The following HS3ST5 variants were observed in gnomAD, a reference collection of about 807,000 sequenced individuals.
The protein encoded by HS3ST5 is heparan sulfate glucosamine 3-O-sulfotransferase 5.
Under a neutral mutation model 25.4 loss-of-function variants are expected in HS3ST5, and 10 were observed. The ratio of observed to expected loss-of-function variants is 0.39; its 90% CI spans 0.24 to 0.67. The LOEUF (loss-of-function observed/expected upper bound fraction) is 0.67. HS3ST5 is among the 30% of genes least tolerant of loss of function. The pLI, the probability that HS3ST5 is intolerant of heterozygous loss-of-function variation, is 0.44. For missense variants in HS3ST5, 324 were observed against 420.7 expected (o/e 0.77, Z 2.01); for synonymous variants, 170 against 162.4 (o/e 1.05, Z -0.36).
intron 2 of HS3ST5, among the ~76,000 whole-genome samples, chr6:114,208,415 CCAGA>C (rs1456624689): frequency 2.0e-5 from 3 of 152,146 alleles, no homozygotes; most frequent in South Asian, 2.1e-4. Context: ...GGTCATTCAC[CCAGA>C]CAATTATTGT....
At chr6:114,208,692 G>A (rs1242743362) in intron 2 of HS3ST5, among the ~76,000 whole-genome samples, 2 of 152,106 alleles carry the variant, frequency 1.3e-5, no homozygotes, top group African/African-American at 4.8e-5. Flanking sequence ...TTGCATTGTA[G>A]GAAAGAAACA....
chr6:114,283,259 G>C (rs1195908901), intron 1 of HS3ST5, among the ~76,000 whole-genome samples: 2 of 151,198 alleles, frequency 1.3e-5, no homozygotes, highest in African/African-American at 4.9e-5. Context: ...AATTTTTTAG[G>C]TTTTGAGCTG....
chr6:114,063,968 C>T (rs766259592), intron 3 of HS3ST5, among the ~76,000 whole-genome samples: 20 of 152,290 alleles, frequency 1.3e-4, no homozygotes, highest in Non-Finnish European at 2.4e-4. Context: ...TGAAATAAGG[C>T]CAGCTGAGGA....
chr6:114,167,196 G>A lies in HS3ST5; in HGVS notation c.-33+1155C>T, dbSNP rs192567015. ...GTTATCAATAGCAACTGGTCACTGC[G>A]CACATGTGTGTGAGACAATATTCAG... On this transcript the variant is annotated intron_variant, in intron 3 of 4. Transcript: ENST00000312719. Among the ~76,000 whole-genome samples, 164 of 152,300 alleles carry A rather than the reference G, an allele frequency of 1.1e-3. 1 individual carries two copies. In the Middle Eastern group the frequency reaches 0.014, roughly 13 times the overall value.
intron 1 of HS3ST5, among the ~76,000 whole-genome samples, chr6:114,268,008 T>C (rs1380450202): frequency 2.6e-5 from 4 of 152,188 alleles, no homozygotes; most frequent in East Asian, 1.9e-4. Context: ...TTCGCAACAT[T>C]AAGTTTGTGC....
At chr6:114,126,706 T>G (rs1777055522) in intron 3 of HS3ST5, among the ~76,000 whole-genome samples, 1 of 152,178 alleles carries the variant, frequency 6.6e-6, no homozygotes, top group African/African-American at 2.4e-5. Flanking sequence ...TGTAGAGTAT[T>G]TCCATTTTAA....
intron 1 of HS3ST5, among the ~76,000 whole-genome samples, chr6:114,243,584 AT>A (rs1772242151): frequency 6.6e-6 from 1 of 152,176 alleles, no homozygotes; most frequent in South Asian, 2.1e-4. Flanking sequence ...CAAGTGCTGG[AT>A]TTGTTAAATC....
At chr6:114,249,926 A>C (rs887865454) in intron 1 of HS3ST5, among the ~76,000 whole-genome samples, 4 of 152,190 alleles carry the variant, frequency 2.6e-5, no homozygotes, top group Admixed American at 1.3e-4. Context: ...AAGATAACTA[A>C]TGTAAAAATA....
chr6:114,229,446 T>A (rs368835106), intron 1 of HS3ST5, among the ~76,000 whole-genome samples: 7 of 152,312 alleles, frequency 4.6e-5, no homozygotes, highest in African/African-American at 1.4e-4. Context: ...GATAAATACA[T>A]GGTCAAAACT....
At chr6:114,279,160 A>C (rs1393437053) in intron 1 of HS3ST5, among the ~76,000 whole-genome samples, 1 of 152,026 alleles carries the variant, frequency 6.6e-6, no homozygotes, top group Non-Finnish European at 1.5e-5. Flanking sequence ...AAAAAAAATC[A>C]GCATCTATGC....
At chr6:114,157,315 T>A (rs1262499557) in intron 3 of HS3ST5, among the ~76,000 whole-genome samples, 1 of 152,220 alleles carries the variant, frequency 6.6e-6, no homozygotes, top group African/African-American at 2.4e-5. Context: ...CTCATTCCCA[T>A]CCAATTCATT....
chr6:114,104,085 C>G (rs1009677386), intron 3 of HS3ST5, among the ~76,000 whole-genome samples: 2 of 151,682 alleles, frequency 1.3e-5, no homozygotes, highest in Admixed American at 6.6e-5. Context: ...AGGGGGAGTG[C>G]TAGACTTTTA....
chr6:114,197,583 A>G (rs1780824289), intron 2 of HS3ST5, among the ~76,000 whole-genome samples: 1 of 152,132 alleles, frequency 6.6e-6, no homozygotes, highest in Non-Finnish European at 1.5e-5. Flanking sequence ...CAACACTTAG[A>G]CAGTGAATAT....
At chr6:114,059,115 A>G (rs1393131935) in intron 4 of HS3ST5, 1 of 152,186 alleles carries the variant, frequency 6.6e-6, no homozygotes, top group African/African-American at 2.4e-5. Context: ...AGGGAGAAAG[A>G]TGTGGTAACA....
chr6:114,328,976 A>G lies in HS3ST5; in HGVS notation c.-339+13219T>C, dbSNP rs140071739. The stretch of plus-strand genomic sequence containing the variant: ...GTTTGAAGTTAAATAGTTTTTTTTA[A>G]TATCTAAAATCTAACTGTCGCCCCT... On this transcript the variant is annotated intron_variant, in intron 1 of 4. Coordinates refer to ENST00000312719, the MANE Select transcript of HS3ST5 (RefSeq NM_153612.4). 3.2e-4 allele frequency among the ~76,000 whole-genome samples: 48 copies of G among 152,258 alleles called. No individual in the cohort carries two copies. The East Asian group carries it at 9.3e-3, about 29-fold the overall frequency.
At chr6:114,188,527 G>A (rs1443278843) in intron 2 of HS3ST5, among the ~76,000 whole-genome samples, 7 of 152,072 alleles carry the variant, frequency 4.6e-5, no homozygotes, top group Admixed American at 2.0e-4. Flanking sequence ...GAAAACAGGA[G>A]CTCCCTGTCT....
chr6:114,241,811 A>T (rs1041061829), intron 1 of HS3ST5, among the ~76,000 whole-genome samples: 1 of 152,200 alleles, frequency 6.6e-6, no homozygotes, highest in African/African-American at 2.4e-5. Flanking sequence ...GTACAGTGGC[A>T]TGACAAGATC....
chr6:114,192,619 T>G (rs1780556095), intron 2 of HS3ST5, among the ~76,000 whole-genome samples: 2 of 152,164 alleles, frequency 1.3e-5, no homozygotes, highest in African/African-American at 2.4e-5. Context: ...CCTGTAATTC[T>G]AAAGTGTCAA....
chr6:114,322,363 CA>C (rs1382014731), intron 1 of HS3ST5, among the ~76,000 whole-genome samples: 1 of 152,086 alleles, frequency 6.6e-6, no homozygotes, highest in Non-Finnish European at 1.5e-5. Context: ...ATTGTCTGCA[CA>C]ACCTTTCCTA....
Sources: gnomAD v4.1 joint callset for allele counts (sites outside exome capture counted in the v4.1 genomes callset) on GRCh38, gnomAD v4.1.1 for gene constraint, MANE v1.5 for transcripts, NCBI Gene and HGNC (gene_info 2026-07-23, HGNC 2026-07-21) for gene names.